Variants in DUSP5 observed in about 807,000 individuals in gnomAD.
The protein encoded by DUSP5 is dual specificity phosphatase 5.
Under a neutral mutation model 33.6 loss-of-function variants are expected in DUSP5, and 22 were observed. That is an observed-to-expected ratio of 0.66 (90% CI 0.47 to 0.94). DUSP5 has a LOEUF of 0.94. Ranked by LOEUF, DUSP5 falls within the 40% of genes least tolerant of loss-of-function variation. DUSP5 has a pLI of 0.00. For synonymous variants in DUSP5, 270 were observed against 231.1 expected (o/e 1.17, Z -1.53); for missense variants, 551 against 522.1 (o/e 1.06, Z -0.54).
chr10:110,510,553 G>T lies in DUSP5; in HGVS notation c.*127G>T. 1 of 1,292,614 alleles carries T rather than the reference G, an allele frequency of 7.7e-7. No homozygotes were observed. The highest frequency in any genetic ancestry group is 1.0e-6 in the Non-Finnish European group (1 of 970,244). The allele number at this position is 1,292,614 out of a possible 1,614,324, so 80.1% of individuals were successfully genotyped here. ...TGTCATGCTGCCCCAGTGAGATAGT[G>T]AGTGGTCACCAGGCTTGCAAATGAA... On this transcript the variant is annotated 3_prime_UTR_variant, in exon 4 of 4. Coordinates refer to ENST00000369583, the MANE Select transcript of DUSP5 (RefSeq NM_004419.4).
intron 1 of DUSP5, among the ~76,000 whole-genome samples, chr10:110,501,435 A>G (rs1227353510): frequency 6.6e-6 from 1 of 152,124 alleles, no homozygotes; most frequent in African/African-American, 2.4e-5. Flanking sequence ...GCTGAGAGGA[A>G]GCGGTAATGG....
chr10:110,502,209 T>A (rs1027305021), intron 1 of DUSP5, among the ~76,000 whole-genome samples: 1 of 152,182 alleles, frequency 6.6e-6, no homozygotes, highest in Non-Finnish European at 1.5e-5. Flanking sequence ...TGAGGCTGTT[T>A]TACTGCCCTG....
At chr10:110,498,592 G>T (rs1040312023) in intron 1 of DUSP5, 92 bp downstream of exon 1, 3 of 1,324,170 alleles carry the variant, frequency 2.3e-6, no homozygotes, top group Non-Finnish European at 2.9e-6. Flanking sequence ...CTGGGACCGG[G>T]AGAGTCACCA....
Position 110,502,724 on chromosome 10 carries a change from G to A in DUSP5, c.383G>A (p.Gly128Glu). ...AGPRVYFLKG[G>E]YETFYSEYPE... ...ACCTTTTTGTTTGTTTTTGTAGGGG[G>A]ATATGAGACTTTCTACTCGGAATAT... The change falls in exon 2 of 4, where the codon GGA becomes GAA. Residue 128 changes from glycine (G) to glutamate (E), a missense_variant. Coordinates refer to ENST00000369583, the MANE Select transcript of DUSP5 (RefSeq NM_004419.4). 1.2e-6 allele frequency: 2 copies of A among 1,613,372 alleles called. No homozygotes were observed. The highest frequency in any genetic ancestry group is 1.1e-5 in the South Asian group (1 of 90,990).
intron 2 of DUSP5, 59 bp downstream of exon 2, chr10:110,502,928 T>C: frequency 1.9e-6 from 3 of 1,602,134 alleles, no homozygotes; most frequent in Non-Finnish European, 2.6e-6. Context: ...CTGTCTCCCT[T>C]CCTTCCTCAG....
At chr10:110,502,445 C>T (rs1004141195) in intron 1 of DUSP5, among the ~76,000 whole-genome samples, 2 of 152,226 alleles carry the variant, frequency 1.3e-5, no homozygotes, top group African/African-American at 4.8e-5. Flanking sequence ...AGATGCTAGA[C>T]ACTTTCTTTC....
At position 110,503,903 on chromosome 10, in the gene DUSP5, G is replaced by C. The variant is rs185762772; in HGVS notation, c.528+1034G>C. Among the ~76,000 whole-genome samples, 3 of 152,310 alleles carry C rather than the reference G, an allele frequency of 2.0e-5. No homozygotes were observed. The East Asian group carries it at 5.8e-4, about 29-fold the overall frequency. ...AAGAAAGATTGCTAGATGCTAAAAT[G>C]CCAGCTCCCTGCCATGAACAAAACC... On this transcript the variant is annotated intron_variant, in intron 2 of 3. Transcript: ENST00000369583.
chr10:110,500,547 G>T (rs1234455806), intron 1 of DUSP5, among the ~76,000 whole-genome samples: 1 of 152,162 alleles, frequency 6.6e-6, no homozygotes, highest in South Asian at 2.1e-4. Flanking sequence ...AGATCTTGGT[G>T]GGGGCAATGC....
chr10:110,506,887 A>T, intron 2 of DUSP5, 48 bp from the exon 3 acceptor site: 1 of 1,584,918 alleles, frequency 6.3e-7, no homozygotes, highest in Non-Finnish European at 8.7e-7. Context: ...CTCTCAAATG[A>T]ACAAGCTAAT....
chr10:110,506,274 AT>A (rs1363520536), intron 2 of DUSP5, among the ~76,000 whole-genome samples: 1 of 152,146 alleles, frequency 6.6e-6, no homozygotes. Context: ...TACCAAAAAA[AT>A]TATAAAATTA....
In DUSP5 at chr10:110,497,946, G is replaced by A. The variant is rs1428797145; in HGVS notation, c.-176G>A. 1.4e-5 allele frequency: 5 copies of A among 357,618 alleles called. No individual in the cohort carries two copies. Among genetic ancestry groups the A allele is most frequent in the Non-Finnish European group, 1.9e-5 (5 of 256,624 alleles). 22.2% of individuals were successfully genotyped at this position (357,618 alleles called of 1,614,324 possible). A position where few individuals can be genotyped will look rare whatever the true frequency, so the allele number is the denominator to read the frequency against. ...CGAGCGGCCGGGCTGGCTATCGAGC[G>A]AGCGGGGCGGGAACGCGGAGTTGCG... On this transcript the variant is annotated 5_prime_UTR_variant, in exon 1 of 4. Transcript: ENST00000369583.
rs1859990549 is a variant in DUSP5, at chr10:110,498,411, A to G, written c.290A>G (p.Gln97Arg). ...VVLDQGSRHW[Q>R]KLREESAARV... ...CTGGACCAGGGCAGCCGCCACTGGCAGAAGCTGCGAGAGGAGAGCGCCGCG... is the reference window on the plus strand; with the variant it reads ...CTGGACCAGGGCAGCCGCCACTGGCGGAAGCTGCGAGAGGAGAGCGCCGCG... The change falls in exon 1 of 4, where the codon CAG becomes CGG. Residue 97 changes from glutamine (Q) to arginine (R), a missense_variant. Around this residue, in one of 3 missense-constraint regions of DUSP5, gnomAD observed 381 missense variants for 310.4 expected, o/e 1.23. Transcript: ENST00000369583. The G allele has an allele frequency of 2.0e-6, 3 of 1,523,322 alleles. No individual in the cohort carries two copies. The highest frequency in any genetic ancestry group is 2.7e-5 in the East Asian group (1 of 36,984). The allele number at this position is 1,523,322 out of a possible 1,614,324, so 94.4% of individuals were successfully genotyped here.
Position 110,498,167 on chromosome 10 carries a change from C to G in DUSP5, c.46C>G (p.Arg16Gly). ...CGGGCGCCAGCTGCGCAAGATGCTC[C>G]GCAAGGAGGCGGCGGCGCGCTGCGT... ...LDGRQLRKML[R>G]KEAAARCVVL... The change falls in exon 1 of 4, where the codon CGC becomes GGC. Residue 16 changes from arginine to glycine, a missense_variant. Around this residue, in one of 3 missense-constraint regions of DUSP5, gnomAD observed 381 missense variants for 310.4 expected, o/e 1.23. Transcript: ENST00000369583. The G allele has an allele frequency of 3.4e-6, 5 of 1,486,644 alleles. No individual in the cohort carries two copies. The highest frequency in any genetic ancestry group is 4.5e-6 in the Non-Finnish European group (5 of 1,116,878). The allele number at this position is 1,486,644 out of a possible 1,614,324, so 92.1% of individuals were successfully genotyped here. A position where few individuals can be genotyped will look rare whatever the true frequency, so the allele number is the denominator to read the frequency against.
Position 110,498,257 on chromosome 10 carries a change from A to T in DUSP5, c.136A>T (p.Asn46Tyr). 6.7e-7 allele frequency: 1 copy of T among 1,501,148 alleles called. No individual in the cohort carries two copies. The highest frequency in any genetic ancestry group is 8.9e-7 in the Non-Finnish European group (1 of 1,123,306). 93.0% of individuals were successfully genotyped at this position (1,501,148 alleles called of 1,614,324 possible). ...ASNVRGSLNVNLNSVVLRRAR... is the reference protein window; with the variant it reads ...ASNVRGSLNVYLNSVVLRRAR... ...GAACGTGCGCGGCTCGCTCAACGTCAACCTCAACTCGGTGGTGCTGCGGCG... is the reference window on the plus strand; with the variant it reads ...GAACGTGCGCGGCTCGCTCAACGTCTACCTCAACTCGGTGGTGCTGCGGCG... Residue 46 changes from asparagine (N) to tyrosine (Y), a missense_variant, in exon 1 of 4, where the codon AAC (asparagine) becomes TAC (tyrosine). By Grantham distance (143) the Asn-to-Tyr change is moderately radical (BLOSUM62 -2). Around this residue, in one of 3 missense-constraint regions of DUSP5, gnomAD observed 381 missense variants for 310.4 expected, o/e 1.23. Transcript: ENST00000369583.
At chr10:110,502,686 T>C in intron 1 of DUSP5, 35 bp from the exon 2 acceptor site, 2 of 1,605,704 alleles carry the variant, frequency 1.2e-6, no homozygotes, top group East Asian at 2.2e-5. Flanking sequence ...AATTGATGCT[T>C]ACCATCTGTC....
rs777525512 is a variant in DUSP5 at position 110,498,225 on chromosome 10, C to G, written c.104C>G (p.Ala35Gly). 3 of 1,515,328 alleles carry G rather than the reference C, an allele frequency of 2.0e-6. No homozygotes were observed. Among genetic ancestry groups the G allele is most frequent in the Non-Finnish European group, 2.7e-6 (3 of 1,131,868 alleles). 93.9% of individuals were successfully genotyped at this position (1,515,328 alleles called of 1,614,324 possible). ...GACTGCCGGCCCTATCTGGCCTTCG[C>G]TGCCTCGAACGTGCGCGGCTCGCTC... ...VLDCRPYLAF[A>G]ASNVRGSLNV... Residue 35 changes from alanine (A) to glycine (G), a missense_variant, in exon 1 of 4, where the codon GCT becomes GGT. By Grantham distance (60) the Ala-to-Gly change is moderately conservative. This residue lies in a region of DUSP5 where 381 missense variants were observed against 310.4 expected (regional missense o/e 1.23). Transcript: ENST00000369583.
rs1270964812 is a variant in DUSP5 at position 110,510,021 on chromosome 10, C to G, written c.750C>G (p.Asp250Glu). The stretch of plus-strand genomic sequence containing the variant: ...CCCACCATCTTTTCTTCCTTCCAGA[C>G]TGTGTCAGGGAAAAGGGAGGCAAGG... ...SHFQEAIDFI[D>E]CVREKGGKVL... The change falls in exon 4 of 4, where the codon GAC becomes GAG. Residue 250 changes from aspartate (D) to glutamate (E), a missense_variant and splice_region_variant. This residue lies in a region of DUSP5 where 158 missense variants were observed against 181.8 expected (regional missense o/e 0.87). Coordinates refer to ENST00000369583, the MANE Select transcript of DUSP5 (RefSeq NM_004419.4). The G allele has an allele frequency of 6.3e-7, 1 of 1,589,520 alleles. No homozygotes were observed. The highest frequency in any genetic ancestry group is 1.3e-5 in the African/African-American group (1 of 74,416).
rs3833737 is a variant in DUSP5 at position 110,511,483 on chromosome 10, GGTT to G, written c.*1070_*1072del. ...ATGTGAAGAAAAGCAGTATGTTACT[GGTT>G]GTTGTTGTTGTTCTTGTTTTTTATA... is the stretch of plus-strand genomic sequence containing the variant. On this transcript the variant is annotated 3_prime_UTR_variant, in exon 4 of 4. Coordinates refer to ENST00000369583, the MANE Select transcript of DUSP5 (RefSeq NM_004419.4). 0.082 allele frequency: 12,450 copies of G among 152,604 alleles called. 613 individuals carry two copies. The highest frequency in any genetic ancestry group is 0.17 in the East Asian group (874 of 5,180). The allele number at this position is 152,604 out of a possible 1,614,324, so 9.5% of individuals were successfully genotyped here.
Position 110,498,245 on chromosome 10 carries a change from T to C in DUSP5, c.124T>C (p.Ser42Pro). The stretch of plus-strand genomic sequence containing the variant: ...CTTCGCTGCCTCGAACGTGCGCGGC[T>C]CGCTCAACGTCAACCTCAACTCGGT... ...LAFAASNVRG[S>P]LNVNLNSVVL... Residue 42 changes from serine (S) to proline (P), a missense_variant, in exon 1 of 4, where the codon TCG becomes CCG. Physicochemically the swap from Ser to Pro is moderately conservative, Grantham distance 74. Around this residue, in one of 3 missense-constraint regions of DUSP5, gnomAD observed 381 missense variants for 310.4 expected, o/e 1.23. Coordinates refer to ENST00000369583, the MANE Select transcript of DUSP5 (RefSeq NM_004419.4). 1 of 1,504,210 alleles carries C rather than the reference T, an allele frequency of 6.6e-7. No homozygotes were observed. Among genetic ancestry groups the C allele is most frequent in the Non-Finnish European group, 8.9e-7 (1 of 1,125,056 alleles). 93.2% of individuals were successfully genotyped at this position (1,504,210 alleles called of 1,614,324 possible).
Sources: allele counts gnomAD v4.1 joint callset (sites outside exome capture counted in the v4.1 genomes callset), GRCh38; gene constraint gnomAD v4.1.1; regional missense constraint gnomAD v4.1.1; transcripts MANE v1.5; gene names NCBI Gene and HGNC (gene_info 2026-07-23, HGNC 2026-07-21).